Variants in FSIP1 observed in about 807,000 individuals in gnomAD.
FSIP1 encodes fibrous sheath-interacting protein 1.
Under a neutral mutation model 60.9 loss-of-function variants are expected in FSIP1, and 65 were observed. That is an observed-to-expected ratio of 1.07 (90% CI 0.87 to 1.31). FSIP1 has a LOEUF of 1.31. Among genes scored for constraint, FSIP1 ranks in the 40% most tolerant of loss-of-function variants. The pLI is 0.00. For synonymous variants in FSIP1, 209 were observed against 221.2 expected (o/e 0.94, Z 0.49); for missense variants, 675 against 665.5 (o/e 1.01, Z -0.16).
chr15:39,696,436 T>C (rs1484579873), intron 10 of FSIP1, among the ~76,000 whole-genome samples: 1 of 152,158 alleles, frequency 6.6e-6, no homozygotes, highest in Non-Finnish European at 1.5e-5. Flanking sequence ...AAAGCAACTA[T>C]ATCATTTTTA....
chr15:39,709,131 C>T (rs1026011054), intron 10 of FSIP1, among the ~76,000 whole-genome samples: 4 of 152,194 alleles, frequency 2.6e-5, no homozygotes, highest in African/African-American at 7.2e-5. Context: ...ATCCTAGATG[C>T]AGGCGTTTCC....
At chr15:39,772,544 C>T (rs1016275227) in intron 2 of FSIP1, among the ~76,000 whole-genome samples, 10 of 151,754 alleles carry the variant, frequency 6.6e-5, no homozygotes, top group Non-Finnish European at 1.2e-4. Context: ...ACCCACCCTC[C>T]TTGGCCTCCC....
intron 11 of FSIP1, among the ~76,000 whole-genome samples, chr15:39,606,273 T>A (rs1285932989): frequency 6.6e-6 from 1 of 152,242 alleles, no homozygotes; most frequent in Admixed American, 6.5e-5. Context: ...ATAGTTTTCA[T>A]TTAGGGGTAT....
At chr15:39,771,315 C>T (rs1775007852) in intron 2 of FSIP1, among the ~76,000 whole-genome samples, 1 of 152,126 alleles carries the variant, frequency 6.6e-6, no homozygotes. Flanking sequence ...GAGAGTCAGC[C>T]CTTTCTCAAA....
At chr15:39,781,203 C>A (rs1898254298) in intron 1 of FSIP1, among the ~76,000 whole-genome samples, 1 of 152,004 alleles carries the variant, frequency 6.6e-6, no homozygotes, top group Non-Finnish European at 1.5e-5. Flanking sequence ...GGCAAAAGAG[C>A]ACATGAAAAG....
chr15:39,645,966 T>C (rs1313533687), intron 10 of FSIP1, among the ~76,000 whole-genome samples: 1 of 152,188 alleles, frequency 6.6e-6, no homozygotes, highest in Non-Finnish European at 1.5e-5. Flanking sequence ...GCCAGTCCTG[T>C]GGACGGGAGA....
intron 8 of FSIP1, among the ~76,000 whole-genome samples, chr15:39,727,545 G>T (rs181296234): frequency 3.5e-4 from 54 of 152,334 alleles, no homozygotes; most frequent in Non-Finnish European, 7.1e-4. Flanking sequence ...AGAAAGACCA[G>T]TTAAGAAGCA....
intron 5 of FSIP1, among the ~76,000 whole-genome samples, chr15:39,749,845 CA>C (rs1228380092): frequency 6.6e-6 from 1 of 151,662 alleles, no homozygotes; most frequent in East Asian, 1.9e-4. Context: ...AATAGGCATC[CA>C]AATCAGAAAG....
intron 8 of FSIP1, among the ~76,000 whole-genome samples, chr15:39,734,939 T>C (rs1343413284): frequency 3.9e-5 from 6 of 152,064 alleles, no homozygotes; most frequent in Non-Finnish European, 7.4e-5. Flanking sequence ...ACTAGAAAGA[T>C]GAGACATAAA....
chr15:39,692,545 C>T (rs1229962079), intron 10 of FSIP1, among the ~76,000 whole-genome samples: 1 of 152,176 alleles, frequency 6.6e-6, no homozygotes, highest in East Asian at 1.9e-4. Flanking sequence ...AATCCCATCA[C>T]ATAACACAGC....
chr15:39,613,581 A>C (rs554696529), intron 11 of FSIP1, among the ~76,000 whole-genome samples: 2 of 152,208 alleles, frequency 1.3e-5, no homozygotes, highest in African/African-American at 4.8e-5. Context: ...CTGAAGTGGA[A>C]GAAAGCCTTC....
intron 10 of FSIP1, among the ~76,000 whole-genome samples, chr15:39,710,160 T>A (rs1042718435): frequency 2.0e-5 from 3 of 152,096 alleles, no homozygotes; most frequent in African/African-American, 7.2e-5. Context: ...CAGTTATGAA[T>A]CTACAGTTAT....
intron 10 of FSIP1, among the ~76,000 whole-genome samples, chr15:39,640,350 G>A (rs190386324): frequency 6.6e-6 from 1 of 152,160 alleles, no homozygotes; most frequent in East Asian, 1.9e-4. Flanking sequence ...ATTTTCTCTG[G>A]GCATAATTAG....
intron 9 of FSIP1, among the ~76,000 whole-genome samples, chr15:39,723,836 A>T (rs1023629222): frequency 6.6e-6 from 1 of 152,250 alleles, no homozygotes; most frequent in South Asian, 2.1e-4. Context: ...TATTTATACA[A>T]AAAGTAGTCC....
intron 5 of FSIP1, among the ~76,000 whole-genome samples, chr15:39,749,338 G>C (rs994632422): frequency 5.4e-5 from 8 of 147,980 alleles, no homozygotes; most frequent in African/African-American, 1.8e-4. Flanking sequence ...TGATACCTGA[G>C]CCACACAAAG....
chr15:39,600,790 A>G lies in FSIP1; in HGVS notation c.*90T>C. ...AAAATCAATAAAGAATAGTCTCTGC[A>G]GTGCATTCATTGAATTCAAATAATT... On this transcript the variant is annotated 3_prime_UTR_variant, in exon 12 of 12. Coordinates refer to ENST00000350221, the MANE Select transcript of FSIP1 (RefSeq NM_152597.5). 1 of 926,120 alleles carries G rather than the reference A, an allele frequency of 1.1e-6. No individual in the cohort carries two copies. Among genetic ancestry groups the G allele is most frequent in the African/African-American group, 1.7e-5 (1 of 59,620 alleles). The allele number at this position is 926,120 out of a possible 1,614,324, so 57.4% of individuals were successfully genotyped here.
intron 2 of FSIP1, among the ~76,000 whole-genome samples, chr15:39,775,144 T>G (rs1014316457): frequency 1.3e-5 from 2 of 152,188 alleles, no homozygotes; most frequent in Non-Finnish European, 2.9e-5. Flanking sequence ...GCCTCCCAAG[T>G]AGCTGGGACT....
At chr15:39,758,890 C>A (rs1897389953) in intron 5 of FSIP1, among the ~76,000 whole-genome samples, 1 of 151,958 alleles carries the variant, frequency 6.6e-6, no homozygotes. Flanking sequence ...AACCCAGTTC[C>A]TACACGATAA....
intron 10 of FSIP1, among the ~76,000 whole-genome samples, chr15:39,697,858 C>A (rs1158947156): frequency 1.3e-5 from 2 of 152,108 alleles, no homozygotes. Context: ...CAACCCATGT[C>A]AGACTCACTT....
Sources: allele counts gnomAD v4.1 joint callset (sites outside exome capture counted in the v4.1 genomes callset), GRCh38; gene constraint gnomAD v4.1.1; transcripts MANE v1.5; gene names NCBI Gene and HGNC (gene_info 2026-07-23, HGNC 2026-07-21).